Variants in ZNF99 observed in about 807,000 individuals in gnomAD.
The protein encoded by ZNF99 is zinc finger protein 99, also known as zinc finger protein ENSP00000375192.
In ZNF99, 8 loss-of-function variants were observed where a neutral mutation model predicts 12.8. That is an observed-to-expected ratio of 0.62 (90% CI 0.37 to 1.13). The LOEUF is 1.13. Among genes scored for constraint, ZNF99 ranks in the 50% most tolerant of loss-of-function variants. ZNF99 has a pLI of 0.02. For synonymous variants in ZNF99, 318 were observed against 319.0 expected, an observed-to-expected ratio of 1.00 and a Z score of 0.03; for missense variants, 1,007 against 1,006.2, an observed-to-expected ratio of 1.00 and a Z score of -0.01.
chr19:22,755,455 G>T lies in ZNF99; in HGVS notation c.*1859C>A, dbSNP rs1973038001. On this transcript the variant is annotated 3_prime_UTR_variant, in exon 4 of 4. Coordinates refer to ENST00000596209, the MANE Select transcript of ZNF99 (RefSeq NM_001080409.3). ...AGTTTTGCCACACTCTTCACATGAG[G>T]CGGGTTTCTCTCTAATTTATCTTAT... The T allele has an allele frequency of 7.2e-6, 2 of 278,722 alleles. No individual in the cohort carries two copies. The highest frequency in any genetic ancestry group is 4.2e-5 in the South Asian group (1 of 23,708). 17.3% of individuals were successfully genotyped at this position (278,722 alleles called of 1,614,324 possible). A position where few individuals can be genotyped will look rare whatever the true frequency, so the allele number is the denominator to read the frequency against.
chr19:22,763,926 T>G (rs1973177193), intron 3 of ZNF99, among the ~76,000 whole-genome samples: 1 of 137,592 alleles, frequency 7.3e-6, no homozygotes, highest in Non-Finnish European at 1.5e-5. Flanking sequence ...TTTTTTTTTT[T>G]GAGATGGAGT....
intron 3 of ZNF99, among the ~76,000 whole-genome samples, chr19:22,766,727 C>T (rs1206620544): frequency 6.6e-6 from 1 of 151,236 alleles, no homozygotes; most frequent in Admixed American, 6.6e-5. Flanking sequence ...TCTCGGCTTA[C>T]CACAACCTCC....
chr19:22,779,130 A>C (rs1036432461), intron 1 of ZNF99, among the ~76,000 whole-genome samples: 1 of 152,170 alleles, frequency 6.6e-6, no homozygotes, highest in African/African-American at 2.4e-5. Flanking sequence ...CTGGAAAGAA[A>C]CACCCTTCCC....
At position 22,753,808 on chromosome 19, in the gene ZNF99, G is replaced by C. The variant is rs1008489307; in HGVS notation, c.*3506C>G. ...TGTACATTTTTTTTCAAGTATAAAT[G>C]CTTTCCTATGCGATAAGGTGTGAGT... On this transcript the variant is annotated 3_prime_UTR_variant, in exon 4 of 4. Transcript: ENST00000596209. 1.8e-5 allele frequency: 4 copies of C among 223,770 alleles called. No individual in the cohort carries two copies. Among genetic ancestry groups the C allele is most frequent in the African/African-American group, 9.3e-5 (4 of 43,190 alleles). 13.9% of individuals were successfully genotyped at this position (223,770 alleles called of 1,614,324 possible).
chr19:22,754,309 A>T lies in ZNF99; in HGVS notation c.*3005T>A, dbSNP rs1185402324. 2.3e-6 allele frequency: 1 copy of T among 428,882 alleles called. No homozygotes were observed. The highest frequency in any genetic ancestry group is 7.2e-5 in the East Asian group (1 of 13,854). The allele number at this position is 428,882 out of a possible 1,614,324, so 26.6% of individuals were successfully genotyped here. On this transcript the variant is annotated 3_prime_UTR_variant, in exon 4 of 4. Transcript: ENST00000596209. ...TTGAACCCAGGAGGCGGAGGTTGCAATGAACTGAGATTGCACCATTGCACT... is the reference window on the plus strand; with the variant it reads ...TTGAACCCAGGAGGCGGAGGTTGCATTGAACTGAGATTGCACCATTGCACT...
chr19:22,772,733 TA>T (rs559404692), intron 1 of ZNF99, among the ~76,000 whole-genome samples: 1 of 151,996 alleles, frequency 6.6e-6, no homozygotes, highest in Non-Finnish European at 1.5e-5. Context: ...TTAGTGTCTC[TA>T]TAAGTTTGAC....
At position 22,758,948 on chromosome 19, in the gene ZNF99, C is replaced by G; in HGVS notation, c.961G>C (p.Ala321Pro). 1.9e-6 allele frequency: 3 copies of G among 1,613,862 alleles called. No homozygotes were observed. Among genetic ancestry groups the G allele is most frequent in the Non-Finnish European group, 2.5e-6 (3 of 1,179,926 alleles). Reference sequence around the variant, plus strand: ...CTAAGGGCTGAGAAATGGTTAAAAGCTTTGCCACATTCTTCGCATTTGTAG... The same window carrying G: ...CTAAGGGCTGAGAAATGGTTAAAAGGTTTGCCACATTCTTCGCATTTGTAG... Reference protein sequence around the residue: ...KPYKCEECGKAFNHFSALRKH... With the variant: ...KPYKCEECGKPFNHFSALRKH... Residue 321 changes from alanine (A) to proline (P), a missense_variant, in exon 4 of 4, where the codon GCT becomes CCT. Physicochemically the swap from Ala to Pro is conservative, Grantham distance 27. Transcript: ENST00000596209.
chr19:22,756,122 G>C lies in ZNF99; in HGVS notation c.*1192C>G. 2.9e-6 allele frequency: 4 copies of C among 1,388,674 alleles called. No individual in the cohort carries two copies. Among genetic ancestry groups the C allele is most frequent in the Non-Finnish European group, 2.9e-6 (3 of 1,039,750 alleles). The allele number at this position is 1,388,674 out of a possible 1,614,324, so 86.0% of individuals were successfully genotyped here. On this transcript the variant is annotated 3_prime_UTR_variant, in exon 4 of 4. Transcript: ENST00000596209. ...AGCTTTGCCACATTCTTCACATATG[G>C]AGGGTCTGTCTCTAGTATAAATTAT... is the stretch of plus-strand genomic sequence containing the variant.
At position 22,758,436 on chromosome 19, in the gene ZNF99, C is replaced by T. The variant is rs773175498; in HGVS notation, c.1473G>A (p.Lys491=). 6.2e-7 allele frequency: 1 copy of T among 1,612,182 alleles called. No homozygotes were observed. Among genetic ancestry groups the T allele is most frequent in the South Asian group, 1.1e-5 (1 of 90,978 alleles). The change falls in exon 4 of 4, where the codon AAG becomes AAA. Residue 491 remains lysine (K), a synonymous_variant. Coordinates refer to ENST00000596209, the MANE Select transcript of ZNF99 (RefSeq NM_001080409.3). ...TATGTACAGTAAGTTTTGAGGACCA[C>T]TTAAAAGCTTTACCACATTCTTCAC... ...YKCEECGKAF[K]WSSKLTVHKV... is the part of the protein sequence containing the mutation.
chr19:22,754,567 A>G lies in ZNF99; in HGVS notation c.*2747T>C. Reference sequence around the variant, plus strand: ...AGTTAAAGACTTTGTTACATTCTTCACATTTGTCGGGTTTCTCTTCAGTAT... The same window carrying G: ...AGTTAAAGACTTTGTTACATTCTTCGCATTTGTCGGGTTTCTCTTCAGTAT... On this transcript the variant is annotated 3_prime_UTR_variant, in exon 4 of 4. Coordinates refer to ENST00000596209, the MANE Select transcript of ZNF99 (RefSeq NM_001080409.3). 1 of 422,314 alleles carries G rather than the reference A, an allele frequency of 2.4e-6. No homozygotes were observed. Among genetic ancestry groups the G allele is most frequent in the South Asian group, 1.8e-5 (1 of 56,822 alleles). The allele number at this position is 422,314 out of a possible 1,614,324, so 26.2% of individuals were successfully genotyped here. A position where few individuals can be genotyped will look rare whatever the true frequency, so the allele number is the denominator to read the frequency against.
chr19:22,764,184 G>T (rs1478023567), intron 3 of ZNF99, among the ~76,000 whole-genome samples: 1 of 151,988 alleles, frequency 6.6e-6, no homozygotes. Context: ...TGGGATTACA[G>T]GCATGAGCCA....
chr19:22,769,167 A>G, intron 2 of ZNF99, 31 bp downstream of exon 2: 2 of 1,593,770 alleles, frequency 1.3e-6, no homozygotes, highest in Non-Finnish European at 1.7e-6. Flanking sequence ...ATAGAATATA[A>G]TAGGAATTGC....
chr19:22,757,561 T>C lies in ZNF99; in HGVS notation c.2348A>G (p.His783Arg). ...FSALRKHKII[H>R]TGKKPYKCEE... ...ACATTTATAGGGTTTCTTTCCAGTA[T>C]GAATTATCTTATGTTTTCTAAGGGC... is the stretch of plus-strand genomic sequence containing the variant. The change falls in exon 4 of 4, where the codon CAT becomes CGT. Residue 783 changes from histidine (H) to arginine (R), a missense_variant. Physicochemically the swap from His to Arg is conservative, Grantham distance 29. Transcript: ENST00000596209. 3.7e-6 allele frequency: 6 copies of C among 1,611,438 alleles called. No individual in the cohort carries two copies. The highest frequency in any genetic ancestry group is 1.1e-5 in the South Asian group (1 of 91,024).
chr19:22,758,223 C>A lies in ZNF99; in HGVS notation c.1686G>T (p.Lys562Asn), dbSNP rs756151776. Residue 562 changes from lysine (K) to asparagine (N), a missense_variant, in exon 4 of 4, where the codon AAG becomes AAT. Lys to Asn is a moderately conservative substitution (Grantham distance 94). Transcript: ENST00000596209. ...LMKHKIIHTGKKPYKCEECGK... is the reference protein window; with the variant it reads ...LMKHKIIHTGNKPYKCEECGK... ...CACATTCTTCACATTTGTATGGTTTCTTCCCAGTATGAATTATCTTATGTT... is the reference window on the plus strand; with the variant it reads ...CACATTCTTCACATTTGTATGGTTTATTCCCAGTATGAATTATCTTATGTT... 1 of 1,612,188 alleles carries A rather than the reference C, an allele frequency of 6.2e-7. No individual in the cohort carries two copies. The highest frequency in any genetic ancestry group is 1.3e-5 in the African/African-American group (1 of 74,960).
rs1384308891 is a variant in ZNF99 at position 22,784,125 on chromosome 19, G to C, written c.-109C>G. 16 of 1,286,430 alleles carry C rather than the reference G, an allele frequency of 1.2e-5. No homozygotes were observed. The highest frequency in any genetic ancestry group is 1.7e-5 in the Non-Finnish European group (16 of 917,694). The allele number at this position is 1,286,430 out of a possible 1,614,324, so 79.7% of individuals were successfully genotyped here. ...CAGAGCAGTAAAAACGAGATCCGGAGCTCCAGCTGGAACCAGAAACAACGG... is the reference window on the plus strand; with the variant it reads ...CAGAGCAGTAAAAACGAGATCCGGACCTCCAGCTGGAACCAGAAACAACGG... On this transcript the variant is annotated 5_prime_UTR_variant, in exon 1 of 4. Coordinates refer to ENST00000596209, the MANE Select transcript of ZNF99 (RefSeq NM_001080409.3).
intron 2 of ZNF99, 81 bp downstream of exon 2, chr19:22,769,117 A>G (rs1424656588): frequency 1.4e-6 from 2 of 1,465,842 alleles, no homozygotes; most frequent in Non-Finnish European, 1.8e-6. Context: ...CTAAGCATAA[A>G]TCACCAAAAC....
chr19:22,783,320 T>G (rs1973411694), intron 1 of ZNF99, among the ~76,000 whole-genome samples: 1 of 151,772 alleles, frequency 6.6e-6, no homozygotes, highest in South Asian at 2.1e-4. Flanking sequence ...TCAAGTGCTT[T>G]TTTTTTTGTA....
In ZNF99 at chr19:22,754,149, T is replaced by C. The variant is rs761984509; in HGVS notation, c.*3165A>G. 111 of 453,108 alleles carry C rather than the reference T, an allele frequency of 2.4e-4. No homozygotes were observed. Among genetic ancestry groups the C allele is most frequent in the Non-Finnish European group, 4.1e-4 (93 of 226,332 alleles). 28.1% of individuals were successfully genotyped at this position (453,108 alleles called of 1,614,324 possible). A position where few individuals can be genotyped will look rare whatever the true frequency, so the allele number is the denominator to read the frequency against. On this transcript the variant is annotated 3_prime_UTR_variant, in exon 4 of 4. Coordinates refer to ENST00000596209, the MANE Select transcript of ZNF99 (RefSeq NM_001080409.3). ...TGGGAGGCCAAGGCGGGTGGATCAC[T>C]TGAGGTCAGGAGTTCAAAACCAGCC...
At chr19:22,771,865 G>GCC (rs1973275942) in intron 1 of ZNF99, among the ~76,000 whole-genome samples, 1 of 4,876 alleles carries the variant, frequency 2.1e-4, no homozygotes, top group Non-Finnish European at 4.7e-4. Context: ...TTACAGGCGT[G>GCC]TGCCACCACG....
Sources: gnomAD v4.1 joint callset for allele counts (sites outside exome capture counted in the v4.1 genomes callset) on GRCh38, gnomAD v4.1.1 for gene constraint, MANE v1.5 for transcripts, NCBI Gene and HGNC (gene_info 2026-07-23, HGNC 2026-07-21) for gene names.